Variants in VEPH1 observed in about 807,000 individuals in gnomAD.
The protein encoded by VEPH1 is ventricular zone-expressed PH domain-containing protein homolog 1.
In VEPH1, 80 loss-of-function variants were observed where a neutral mutation model predicts 85.2. That is an observed-to-expected ratio of 0.94 (90% CI 0.78 to 1.13). The LOEUF (loss-of-function observed/expected upper bound fraction) is 1.13, where lower values mean the gene tolerates loss of function less well. Among genes scored for constraint, VEPH1 ranks in the 50% most tolerant of loss-of-function variants. VEPH1 has a pLI of 0.00. For synonymous variants in VEPH1, 297 were observed against 348.0 expected, an observed-to-expected ratio of 0.85 and a Z score of 1.63; for missense variants, 955 against 980.5, an observed-to-expected ratio of 0.97 and a Z score of 0.35.
chr3:157,495,609 G>A (rs1452951083), intron 1 of VEPH1, 103 bp from the exon 2 acceptor site: 1 of 545,306 alleles, frequency 1.8e-6, no homozygotes, highest in East Asian at 4.1e-5. Context: ...AAGAAACTTG[G>A]AAACATGTGC....
At chr3:157,447,520 C>T (rs1283085312) in intron 4 of VEPH1, among the ~76,000 whole-genome samples, 6 of 151,700 alleles carry the variant, frequency 4.0e-5, no homozygotes, top group East Asian at 1.9e-4. Context: ...ATAATTGTAT[C>T]ATGAATTTTT....
intron 3 of VEPH1, among the ~76,000 whole-genome samples, chr3:157,467,218 G>A (rs747359755): frequency 6.6e-6 from 1 of 151,768 alleles, no homozygotes; most frequent in Non-Finnish European, 1.5e-5. Flanking sequence ...GGCCAAGGGT[G>A]CAGGAAGAAG....
chr3:157,486,466 A>G (rs1738657897), intron 2 of VEPH1, among the ~76,000 whole-genome samples: 1 of 147,394 alleles, frequency 6.8e-6, no homozygotes, highest in Non-Finnish European at 1.5e-5. Flanking sequence ...ACTGCACTCG[A>G]CAGAGCAAGA....
intron 4 of VEPH1, among the ~76,000 whole-genome samples, chr3:157,430,341 C>T (rs1313431048): frequency 6.6e-6 from 1 of 152,160 alleles, no homozygotes; most frequent in Non-Finnish European, 1.5e-5. Context: ...CACATCCCTT[C>T]GCAACATATT....
chr3:157,366,561 C>G (rs1249438600), intron 7 of VEPH1, among the ~76,000 whole-genome samples: 1 of 152,014 alleles, frequency 6.6e-6, no homozygotes, highest in Admixed American at 6.6e-5. Context: ...ATGGTGAAAC[C>G]CTGTCTCTAC....
intron 3 of VEPH1, among the ~76,000 whole-genome samples, chr3:157,461,272 A>G (rs1735843142): frequency 6.6e-6 from 1 of 152,118 alleles, no homozygotes; most frequent in African/African-American, 2.4e-5. Context: ...TCTACCACAT[A>G]ATGTTTTGGT....
intron 9 of VEPH1, among the ~76,000 whole-genome samples, chr3:157,357,495 C>CTT (rs147031944): frequency 4.9e-5 from 7 of 144,042 alleles, no homozygotes; most frequent in African/African-American, 1.0e-4. Flanking sequence ...TTGTAAGAAA[C>CTT]TTTTTTTTTT....
intron 6 of VEPH1, chr3:157,409,686 C>A (rs1227967433): frequency 1.0e-6 from 1 of 985,412 alleles, no homozygotes; most frequent in Non-Finnish European, 1.2e-6. Context: ...TCTGCTCACC[C>A]AGATGGGCAC....
chr3:157,278,799 A>G (rs1577221156), intron 12 of VEPH1, among the ~76,000 whole-genome samples: 1 of 152,168 alleles, frequency 6.6e-6, no homozygotes, highest in Admixed American at 6.5e-5. Context: ...TTGGTACAAT[A>G]GATTGAGTGA....
chr3:157,458,419 T>C (rs548770443), intron 4 of VEPH1, among the ~76,000 whole-genome samples: 1 of 152,182 alleles, frequency 6.6e-6, no homozygotes, highest in Non-Finnish European at 1.5e-5. Context: ...GCTGTTAGGT[T>C]GTTAAATTGA....
intron 2 of VEPH1, among the ~76,000 whole-genome samples, chr3:157,481,196 G>C (rs1198108143): frequency 2.0e-5 from 3 of 151,864 alleles, no homozygotes; most frequent in Non-Finnish European, 2.9e-5. Context: ...CTGGATATCA[G>C]AACTTTGTCA....
At chr3:157,482,849 A>C (rs1259926715) in intron 2 of VEPH1, among the ~76,000 whole-genome samples, 4 of 152,086 alleles carry the variant, frequency 2.6e-5, no homozygotes. Context: ...TGTATCCTAA[A>C]ATTTTACTGA....
intron 12 of VEPH1, among the ~76,000 whole-genome samples, chr3:157,282,036 G>A (rs1352247573): frequency 2.6e-5 from 4 of 152,080 alleles, no homozygotes; most frequent in Non-Finnish European, 4.4e-5. Context: ...GCCCCCAAAG[G>A]AGACCCACAA....
At chr3:157,369,182 A>T (rs1167658501) in intron 7 of VEPH1, among the ~76,000 whole-genome samples, 1 of 123,524 alleles carries the variant, frequency 8.1e-6, no homozygotes, top group South Asian at 2.7e-4. Flanking sequence ...AACCAAATGA[A>T]AAAAAAAAAA....
chr3:157,406,296 G>A (rs945334204), intron 6 of VEPH1, among the ~76,000 whole-genome samples: 1 of 152,076 alleles, frequency 6.6e-6, no homozygotes. Flanking sequence ...TCCTCTTGTA[G>A]AACGGACCCC....
At chr3:157,399,653 C>T (rs1294592615) in intron 6 of VEPH1, among the ~76,000 whole-genome samples, 1 of 151,906 alleles carries the variant, frequency 6.6e-6, no homozygotes, top group African/African-American at 2.4e-5. Context: ...AAGTATGCCA[C>T]GCAGACAAGA....
At position 157,301,457 on chromosome 3, in the gene VEPH1, C is replaced by T. The variant is rs534372929; in HGVS notation, c.2010+12164G>A. Among the ~76,000 whole-genome samples, 257 of 152,274 alleles carry T rather than the reference C, an allele frequency of 1.7e-3. 2 individuals carry two copies. The Middle Eastern group carries it at 0.017, about 10-fold the overall frequency. On this transcript the variant is annotated intron_variant, in intron 11 of 13. Coordinates refer to ENST00000362010, the MANE Select transcript of VEPH1 (RefSeq NM_001167912.2). Reference sequence around the variant, plus strand: ...ATTTACAAACAGGCTCTGAAGGCTTCCATTTTCACTCATCTCTACAATCCC... The same window carrying T: ...ATTTACAAACAGGCTCTGAAGGCTTTCATTTTCACTCATCTCTACAATCCC...
At chr3:157,403,227 C>T (rs1730899238) in intron 6 of VEPH1, among the ~76,000 whole-genome samples, 1 of 151,686 alleles carries the variant, frequency 6.6e-6, no homozygotes, top group South Asian at 2.1e-4. Context: ...GCTTTCAGAT[C>T]CTACTTGAGC....
intron 1 of VEPH1, among the ~76,000 whole-genome samples, chr3:157,502,034 G>C (rs890682364): frequency 2.6e-5 from 4 of 152,188 alleles, no homozygotes; most frequent in African/African-American, 9.7e-5. Context: ...GGAATTGGCT[G>C]CATACATTTC....
Sources: gnomAD v4.1 joint callset for allele counts (sites outside exome capture counted in the v4.1 genomes callset) on GRCh38, gnomAD v4.1.1 for gene constraint, MANE v1.5 for transcripts, NCBI Gene and HGNC (gene_info 2026-07-23, HGNC 2026-07-21) for gene names.